SH3GL3: variants seen among roughly 807,000 people sequenced by gnomAD.
SH3GL3 encodes the protein SH3 domain containing GRB2 like 3, endophilin A3.
In SH3GL3, 33 loss-of-function variants were observed where a neutral mutation model predicts 47.7. The ratio of observed to expected loss-of-function variants is 0.69; its 90% confidence interval spans 0.52 to 0.92. SH3GL3 has a LOEUF of 0.92. SH3GL3 is among the 40% of genes least tolerant of loss of function. The pLI, the probability that SH3GL3 is intolerant of heterozygous loss-of-function variation, is 0.00. For synonymous variants in SH3GL3, 155 were observed against 148.8 expected (o/e 1.04, Z -0.30); for missense variants, 363 against 417.8 (o/e 0.87, Z 1.14).
chr15:83,560,906 A>G (rs2045236654), intron 2 of SH3GL3, among the ~76,000 whole-genome samples: 1 of 152,208 alleles, frequency 6.6e-6, no homozygotes, highest in Non-Finnish European at 1.5e-5. Flanking sequence ...TTTTAATTAT[A>G]AAAAGATACA....
At chr15:83,617,781 C>T (rs147160376) in intron 8 of SH3GL3, among the ~76,000 whole-genome samples, 5 of 152,290 alleles carry the variant, frequency 3.3e-5, no homozygotes, top group Non-Finnish European at 5.9e-5. Context: ...ATTCCTCTGT[C>T]GCTCCCTTAG....
intron 1 of SH3GL3, among the ~76,000 whole-genome samples, chr15:83,530,196 G>A (rs1449666836): frequency 6.6e-6 from 1 of 152,186 alleles, no homozygotes. Context: ...TTAGGTATCA[G>A]GGGAGTGTGT....
chr15:83,450,824 C>G (rs2039729677), intron 1 of SH3GL3, among the ~76,000 whole-genome samples: 1 of 30,522 alleles, frequency 3.3e-5, no homozygotes, highest in African/African-American at 1.3e-4. Flanking sequence ...TTCTATTATA[C>G]TCTAAGTTTT....
intron 1 of SH3GL3, among the ~76,000 whole-genome samples, chr15:83,479,568 C>G (rs1448676567): frequency 6.6e-6 from 1 of 152,238 alleles, no homozygotes; most frequent in African/African-American, 2.4e-5. Context: ...GGGGATTTAT[C>G]TACCAACTGC....
intron 8 of SH3GL3, among the ~76,000 whole-genome samples, chr15:83,594,518 A>G (rs1200362698): frequency 6.6e-6 from 1 of 152,134 alleles, no homozygotes; most frequent in African/African-American, 2.4e-5. Flanking sequence ...CTTCATTCAC[A>G]TTTCCTTAGT....
At chr15:83,508,248 A>T (rs12148441) in intron 1 of SH3GL3, among the ~76,000 whole-genome samples, 3 of 152,056 alleles carry the variant, frequency 2.0e-5, no homozygotes, top group East Asian at 2.0e-4. Context: ...CCCAGGCACA[A>T]TTTTAAATAC....
chr15:83,515,579 T>C (rs968994878), intron 1 of SH3GL3, among the ~76,000 whole-genome samples: 1 of 152,146 alleles, frequency 6.6e-6, no homozygotes, highest in Non-Finnish European at 1.5e-5. Flanking sequence ...TTCTCAAACC[T>C]GTGTGAATTA....
chr15:83,459,690 A>G (rs1268835990), intron 1 of SH3GL3, among the ~76,000 whole-genome samples: 1 of 152,190 alleles, frequency 6.6e-6, no homozygotes, highest in Non-Finnish European at 1.5e-5. Flanking sequence ...CCTAATTTCA[A>G]ATTGAAAGTG....
chr15:83,544,811 C>A (rs777916592), intron 1 of SH3GL3, among the ~76,000 whole-genome samples: 1 of 152,064 alleles, frequency 6.6e-6, no homozygotes, highest in Non-Finnish European at 1.5e-5. Flanking sequence ...AGGATAAAAT[C>A]TTTTTCCTTC....
chr15:83,604,172 T>C (rs1248042917), intron 8 of SH3GL3, among the ~76,000 whole-genome samples: 1 of 150,888 alleles, frequency 6.6e-6, no homozygotes, highest in African/African-American at 2.4e-5. Context: ...AGAAGCTAGG[T>C]ATAAGCAAAT....
chr15:83,567,957 C>A (rs983661889), intron 3 of SH3GL3, among the ~76,000 whole-genome samples: 1 of 140,600 alleles, frequency 7.1e-6, no homozygotes, highest in Admixed American at 7.0e-5. Flanking sequence ...CCCATCATTT[C>A]TTTTTTTTTT....
rs536954456 is a variant in SH3GL3, at chr15:83,526,853, A to C, written c.46-32400A>C. 2.0e-4 allele frequency among the ~76,000 whole-genome samples: 31 copies of C among 152,256 alleles called. No homozygotes were observed. In the South Asian group the frequency reaches 6.4e-3, roughly 32 times the overall value. ...ATTAATTCTTCTAACTCATGATCATAGGATGTCTTTCCATTTGCTTGTGTC... is the reference window on the plus strand; with the variant it reads ...ATTAATTCTTCTAACTCATGATCATCGGATGTCTTTCCATTTGCTTGTGTC... On this transcript the variant is annotated intron_variant, in intron 1 of 8. Transcript: ENST00000427482.
chr15:83,493,913 G>T (rs1490652340), intron 1 of SH3GL3, among the ~76,000 whole-genome samples: 1 of 152,230 alleles, frequency 6.6e-6, no homozygotes, highest in African/African-American at 2.4e-5. Context: ...GTTATAATTG[G>T]GGGGTGGGCA....
chr15:83,508,248 A>G (rs12148441), intron 1 of SH3GL3, among the ~76,000 whole-genome samples: 13,497 of 152,028 alleles, frequency 0.089, 782 homozygotes, highest in East Asian at 0.26. Context: ...CCCAGGCACA[A>G]TTTTAAATAC....
chr15:83,562,561 CTT>C (rs1194075627), intron 2 of SH3GL3, among the ~76,000 whole-genome samples: 1 of 152,082 alleles, frequency 6.6e-6, no homozygotes, highest in Non-Finnish European at 1.5e-5. Context: ...ACTTATGAAT[CTT>C]GTTTCCAAAT....
the SH3GL3 span, among the ~76,000 whole-genome samples, chr15:83,629,284 A>C: frequency 3.9e-5 from 6 of 152,198 alleles, no homozygotes; most frequent in African/African-American, 1.4e-4. Flanking sequence ...GAGAAGAACA[A>C]AGTTGGACAA....
chr15:83,494,548 C>CTT (rs368373522), intron 1 of SH3GL3, among the ~76,000 whole-genome samples: 1 of 144,736 alleles, frequency 6.9e-6, no homozygotes, highest in African/African-American at 2.5e-5. Flanking sequence ...CTTAGTCCCC[C>CTT]TTTTTTTTTT....
At chr15:83,631,563 C>A in the SH3GL3 span, among the ~76,000 whole-genome samples, 1 of 152,248 alleles carries the variant, frequency 6.6e-6, no homozygotes, top group Admixed American at 6.5e-5. Context: ...CCAGGCCCAA[C>A]ACCATGTGTA....
At chr15:83,563,232 T>C (rs1260008645) in intron 2 of SH3GL3, among the ~76,000 whole-genome samples, 2 of 152,194 alleles carry the variant, frequency 1.3e-5, no homozygotes, top group Admixed American at 1.3e-4. Flanking sequence ...CGATCTTCCT[T>C]ATTTTTTTTC....
Sources: allele counts gnomAD v4.1 joint callset (sites outside exome capture counted in the v4.1 genomes callset), GRCh38; gene constraint gnomAD v4.1.1; transcripts MANE v1.5; gene names NCBI Gene and HGNC (gene_info 2026-07-23, HGNC 2026-07-21).